Variants in ANAPC1 observed in about 807,000 individuals in gnomAD.
ANAPC1 encodes the protein anaphase-promoting complex subunit 1.
ANAPC1 carries 36 observed loss-of-function variants against 208.0 expected under a neutral mutation model. The observed-to-expected ratio is 0.17, with a 90% CI of 0.13 to 0.23. The LOEUF is 0.23. Ranked by LOEUF, ANAPC1 falls within the 10% of genes least tolerant of loss-of-function variation. ANAPC1 has a pLI of 1.00. For missense variants in ANAPC1, 942 were observed against 2,011.6 expected (o/e 0.47, Z 10.17); for synonymous variants, 378 against 695.2 (o/e 0.54, Z 7.18).
chr2:111,826,513 G>A (rs887072577), intron 21 of ANAPC1, among the ~76,000 whole-genome samples: 10 of 152,002 alleles, frequency 6.6e-5, no homozygotes, highest in Non-Finnish European at 1.2e-4. Context: ...ATTCATTCAC[G>A]TCTCTCCAAG....
intron 26 of ANAPC1, among the ~76,000 whole-genome samples, chr2:111,820,775 A>C (rs963149637): frequency 6.6e-6 from 1 of 150,490 alleles, no homozygotes; most frequent in Non-Finnish European, 1.5e-5. Context: ...AGAAAGGCTT[A>C]TCTATTTTTA....
intron 47 of ANAPC1, among the ~76,000 whole-genome samples, chr2:111,770,340 CT>C (rs1676671245): frequency 7.5e-6 from 1 of 132,756 alleles, no homozygotes. Context: ...TTTGTCCAGC[CT>C]GGCCTGAAAA....
At chr2:111,797,785 T>C (rs1174733459) in intron 34 of ANAPC1, among the ~76,000 whole-genome samples, 2 of 119,238 alleles carry the variant, frequency 1.7e-5, no homozygotes, top group African/African-American at 7.1e-5. Flanking sequence ...AGTAAACAAA[T>C]GGGCATGGCC....
intron 45 of ANAPC1, among the ~76,000 whole-genome samples, chr2:111,778,010 A>G (rs1677078881): frequency 1.3e-5 from 2 of 152,290 alleles, no homozygotes; most frequent in South Asian, 4.1e-4. Flanking sequence ...TACCAAGGCA[A>G]ATTTCTGCCA....
At chr2:111,855,516 T>C (rs543299822) in intron 13 of ANAPC1, among the ~76,000 whole-genome samples, 1 of 152,308 alleles carries the variant, frequency 6.6e-6, no homozygotes, top group Admixed American at 6.5e-5. Flanking sequence ...ATTAAATATA[T>C]ACATCACACT....
intron 21 of ANAPC1, among the ~76,000 whole-genome samples, chr2:111,829,316 T>C (rs1207929992): frequency 6.6e-6 from 1 of 152,230 alleles, no homozygotes; most frequent in Non-Finnish European, 1.5e-5. Context: ...TCATTCTGTA[T>C]GTCTGTTTTG....
chr2:111,821,762 A>C (rs994892754), intron 25 of ANAPC1: 3 of 366,062 alleles, frequency 8.2e-6, no homozygotes, highest in Non-Finnish European at 1.5e-5. Context: ...GGTGAGGATG[A>C]TTTAAAAAGA....
chr2:111,791,414 C>A (rs2104525784), intron 38 of ANAPC1, among the ~76,000 whole-genome samples: 1 of 149,400 alleles, frequency 6.7e-6, no homozygotes, highest in Non-Finnish European at 1.5e-5. Context: ...CAACCTATGA[C>A]CCAATTCCAC....
At chr2:111,825,073 C>G in intron 23 of ANAPC1, 37 bp from the exon 24 acceptor site, 2 of 1,613,782 alleles carry the variant, frequency 1.2e-6, no homozygotes, top group Non-Finnish European at 1.7e-6. Context: ...TTAAGCAGAA[C>G]AGTAAATAAT....
chr2:111,824,532 T>C (rs1194544785), intron 24 of ANAPC1, among the ~76,000 whole-genome samples: 4 of 152,120 alleles, frequency 2.6e-5, no homozygotes, highest in Non-Finnish European at 4.4e-5. Flanking sequence ...AATGTTCATC[T>C]TGGTGCCTGA....
chr2:111,802,230 G>A (rs1270842607), intron 33 of ANAPC1, among the ~76,000 whole-genome samples, 198 bp downstream of exon 33: 1 of 152,178 alleles, frequency 6.6e-6, no homozygotes, highest in African/African-American at 2.4e-5. Flanking sequence ...AGACATTTAT[G>A]TTTGCCATTC....
intron 13 of ANAPC1, among the ~76,000 whole-genome samples, chr2:111,852,212 C>G (rs1009787268): frequency 1.3e-5 from 2 of 149,824 alleles, no homozygotes; most frequent in Admixed American, 1.3e-4. Flanking sequence ...ACAGAAGATT[C>G]TGAAAAAGTG....
intron 16 of ANAPC1, among the ~76,000 whole-genome samples, chr2:111,846,160 C>T (rs1238329977): frequency 1.3e-5 from 2 of 152,098 alleles, no homozygotes; most frequent in Non-Finnish European, 2.9e-5. Flanking sequence ...TTATATCATA[C>T]AGGCATTCTT....
At chr2:111,873,474 A>G in intron 4 of ANAPC1, 66 bp from the exon 5 acceptor site, 1 of 1,554,588 alleles carries the variant, frequency 6.4e-7, no homozygotes, top group South Asian at 1.2e-5. Context: ...TCCTAACAGC[A>G]CAAATTATTT....
Position 111,863,736 on chromosome 2 carries a change from A to G in ANAPC1, c.991T>C (p.Ser331Pro). 6.2e-7 allele frequency: 1 copy of G among 1,613,962 alleles called. No homozygotes were observed. Among genetic ancestry groups the G allele is most frequent in the South Asian group, 1.1e-5 (1 of 91,078 alleles). ...NYSSIHSQSR[S>P]TSSPSLHSRS... is the part of the protein sequence containing the mutation. The stretch of plus-strand genomic sequence containing the variant: ...GAATGTAGACTGGGTGATGAGGTTG[A>G]GCGACTCTGGCTGTGAATGGAGGAG... Residue 331 changes from serine (S) to proline (P), a missense_variant, in exon 9 of 48, where the codon TCA becomes CCA. By Grantham distance (74) the Ser-to-Pro change is moderately conservative. Transcript: ENST00000341068.
At chr2:111,773,505 C>G (rs1366811959) in intron 46 of ANAPC1, among the ~76,000 whole-genome samples, 1 of 152,064 alleles carries the variant, frequency 6.6e-6, no homozygotes, top group African/African-American at 2.4e-5. Context: ...TGTTTAAAGG[C>G]AGGTTAAGTC....
At chr2:111,820,582 T>TA (rs1679476694) in intron 26 of ANAPC1, among the ~76,000 whole-genome samples, 1 of 141,148 alleles carries the variant, frequency 7.1e-6, no homozygotes, top group Non-Finnish European at 1.5e-5. Flanking sequence ...AACAGTACCA[T>TA]AAAAAAAGTA....
intron 16 of ANAPC1, among the ~76,000 whole-genome samples, chr2:111,846,394 GATAT>G (rs1192714055): frequency 1.0e-5 from 1 of 96,404 alleles, no homozygotes; most frequent in Non-Finnish European, 2.6e-5. Context: ...TGAAAATTGA[GATAT>G]TTATTTTAAA....
At chr2:111,834,500 T>C (rs1680352985) in intron 19 of ANAPC1, 104 bp downstream of exon 19, 1 of 1,166,886 alleles carries the variant, frequency 8.6e-7, no homozygotes, top group Admixed American at 3.5e-5. Context: ...AAGGTAGATT[T>C]CAGAAACTTA....
Sources: allele counts gnomAD v4.1 joint callset (sites outside exome capture counted in the v4.1 genomes callset), GRCh38; gene constraint gnomAD v4.1.1; transcripts MANE v1.5; gene names NCBI Gene and HGNC (gene_info 2026-07-23, HGNC 2026-07-21).